The following VEZT variants were observed in gnomAD, a reference collection of about 807,000 sequenced individuals.
VEZT encodes the protein vezatin.
In VEZT, 39 loss-of-function variants were observed where a neutral mutation model predicts 79.9. The ratio of observed to expected loss-of-function variants is 0.49; its 90% CI spans 0.38 to 0.64. VEZT has a LOEUF of 0.64. Ranked by LOEUF, VEZT falls within the 30% of genes least tolerant of loss-of-function variation. The pLI is 0.00. For missense variants in VEZT, 837 were observed against 893.1 expected (o/e 0.94, Z 0.80); for synonymous variants, 325 against 327.6 (o/e 0.99, Z 0.09).
chr12:95,226,114 A>G (rs78555773), intron 1 of VEZT, among the ~76,000 whole-genome samples: 1 of 150,754 alleles, frequency 6.6e-6, no homozygotes, highest in Non-Finnish European at 1.5e-5. Context: ...AAAAAAAAAA[A>G]AAGAACAGTT....
At chr12:95,266,089 C>G (rs1038653) in intron 4 of VEZT, among the ~76,000 whole-genome samples, 1 of 152,024 alleles carries the variant, frequency 6.6e-6, no homozygotes, top group African/African-American at 2.4e-5. Flanking sequence ...ATCAGCTTTA[C>G]CTGATTCCAG....
intron 7 of VEZT, chr12:95,275,884 A>G (rs888580421): frequency 1.3e-5 from 2 of 151,578 alleles, no homozygotes; most frequent in African/African-American, 4.8e-5. Flanking sequence ...AGAAAAAACA[A>G]GAAAAGAAGA....
In VEZT at chr12:95,287,680, G is replaced by A; in HGVS notation, c.1345G>A (p.Asp449Asn). ...ALLNEVIILE[D>N]ELEKLVCTKE... ...ATGACTCAGGGTAATAATTCTTGAA[G>A]ATGAACTTGAAAAGCTTGTTTGTAC... Residue 449 changes from aspartate (D) to asparagine (N), a missense_variant, in exon 9 of 12, where the codon GAT (aspartate) becomes AAT (asparagine). Physicochemically the swap from Asp to Asn is conservative, Grantham distance 23 (BLOSUM62 1). Transcript: ENST00000436874. The A allele has an allele frequency of 6.4e-7, 1 of 1,565,664 alleles. No homozygotes were observed. Among genetic ancestry groups the A allele is most frequent in the South Asian group, 1.2e-5 (1 of 82,370 alleles).
intron 7 of VEZT, among the ~76,000 whole-genome samples, chr12:95,280,525 A>G (rs2068812288): frequency 1.8e-5 from 1 of 55,088 alleles, no homozygotes; most frequent in African/African-American, 1.1e-4. Flanking sequence ...TCATATGTGT[A>G]CACACACACA....
At position 95,251,785 on chromosome 12, in the gene VEZT, AT is replaced by A. The variant is rs1593431924; in HGVS notation, c.37-153del. 1.0e-5 allele frequency: 5 copies of A among 485,054 alleles called. No individual in the cohort carries two copies. In the East Asian group the frequency reaches 1.7e-4, roughly 17 times the overall value. 30.0% of individuals were successfully genotyped at this position (485,054 alleles called of 1,614,324 possible). A position where few individuals can be genotyped will look rare whatever the true frequency, so the allele number is the denominator to read the frequency against. ...TGTTGATTTGTTTGTGTTAAATGGC[AT>A]TGTATTATAACAGATAATTCAGTTC... On this transcript the variant is annotated intron_variant, in intron 1 of 11. Transcript: ENST00000436874.
At chr12:95,234,549 C>G (rs2059739221) in intron 1 of VEZT, among the ~76,000 whole-genome samples, 1 of 152,138 alleles carries the variant, frequency 6.6e-6, no homozygotes. Context: ...CCCGCCTCAG[C>G]CTCCGAAAGT....
intron 1 of VEZT, among the ~76,000 whole-genome samples, chr12:95,246,616 T>A (rs2061757524): frequency 6.6e-6 from 1 of 152,242 alleles, no homozygotes; most frequent in Admixed American, 6.5e-5. Flanking sequence ...CCAAAGGTTC[T>A]TGGCTGTTTT....
At chr12:95,271,692 A>G (rs1409957416) in intron 6 of VEZT, among the ~76,000 whole-genome samples, 1 of 152,252 alleles carries the variant, frequency 6.6e-6, no homozygotes, top group Non-Finnish European at 1.5e-5. Flanking sequence ...GGTAAACATA[A>G]TAGACATGAT....
chr12:95,272,235 GAA>G (rs375048258), intron 6 of VEZT, among the ~76,000 whole-genome samples: 1 of 45,780 alleles, frequency 2.2e-5, no homozygotes, highest in African/African-American at 8.6e-5. Context: ...TACTATGAAG[GAA>G]AAAAAAAACG....
At chr12:95,251,441 G>A (rs2062590596) in intron 1 of VEZT, among the ~76,000 whole-genome samples, 1 of 152,172 alleles carries the variant, frequency 6.6e-6, no homozygotes, top group Admixed American at 6.5e-5. Context: ...TGTTCACAGT[G>A]CTGAGCATAT....
chr12:95,236,601 G>T (rs2060232542), intron 1 of VEZT, among the ~76,000 whole-genome samples: 1 of 149,532 alleles, frequency 6.7e-6, no homozygotes, highest in African/African-American at 2.5e-5. Flanking sequence ...CTGAGAGGGA[G>T]TCTCTGTTGC....
intron 1 of VEZT, among the ~76,000 whole-genome samples, chr12:95,241,704 T>C (rs916154769): frequency 3.3e-5 from 5 of 152,212 alleles, no homozygotes; most frequent in African/African-American, 1.2e-4. Context: ...AACCACTGCT[T>C]TATAAGAACA....
rs55667589 is a variant in VEZT at position 95,289,089 on chromosome 12, A to AAAATAAATAAAT, written c.1522+1264_1522+1275dup. ...AGAGCGAGACTCCGTCTCAAAAAAA[A>AAAATAAATAAAT]AAATAAATAAATAAATAAATAAATA... On this transcript the variant is annotated intron_variant, in intron 9 of 11. Transcript: ENST00000436874. 8.8e-5 allele frequency among the ~76,000 whole-genome samples: 9 copies of AAAATAAATAAAT among 101,726 alleles called. No homozygotes were observed. In the East Asian group the frequency reaches 1.2e-3, roughly 13 times the overall value. 66.7% of individuals were successfully genotyped at this position (101,726 alleles called of 152,430 possible).
chr12:95,233,736 C>T (rs1173645168), intron 1 of VEZT, among the ~76,000 whole-genome samples: 3 of 152,012 alleles, frequency 2.0e-5, no homozygotes, highest in Non-Finnish European at 2.9e-5. Context: ...TTATTCTCAG[C>T]GCAATTACAT....
At chr12:95,249,947 C>T (rs1412981686) in intron 1 of VEZT, among the ~76,000 whole-genome samples, 1 of 151,146 alleles carries the variant, frequency 6.6e-6, no homozygotes, top group Non-Finnish European at 1.5e-5. Context: ...TTGTTGTGAA[C>T]CTTAACTGAG....
At chr12:95,271,044 A>G (rs969799252) in intron 6 of VEZT, among the ~76,000 whole-genome samples, 2 of 152,166 alleles carry the variant, frequency 1.3e-5, no homozygotes, top group South Asian at 2.1e-4. Context: ...CTTTGTAGCT[A>G]GATTTTCTTG....
intron 1 of VEZT, among the ~76,000 whole-genome samples, chr12:95,244,923 A>G (rs137886859): frequency 8.5e-5 from 13 of 152,166 alleles, no homozygotes; most frequent in African/African-American, 3.1e-4. Flanking sequence ...GTTTAGCACA[A>G]AATTCTGTAT....
At chr12:95,272,215 A>T (rs1397821891) in intron 6 of VEZT, among the ~76,000 whole-genome samples, 1 of 140,428 alleles carries the variant, frequency 7.1e-6, no homozygotes, top group Non-Finnish European at 1.5e-5. Context: ...GATTCTTCAG[A>T]TAAAATAGTT....
intron 1 of VEZT, among the ~76,000 whole-genome samples, chr12:95,225,683 T>C (rs1286193728): frequency 6.8e-6 from 1 of 146,370 alleles, no homozygotes; most frequent in Non-Finnish European, 1.5e-5. Flanking sequence ...CACCTGCAGC[T>C]GTGTTATCAA....
Sources: gnomAD v4.1 joint callset for allele counts (sites outside exome capture counted in the v4.1 genomes callset) on GRCh38, gnomAD v4.1.1 for gene constraint, MANE v1.5 for transcripts, NCBI Gene and HGNC (gene_info 2026-07-23, HGNC 2026-07-21) for gene names.